Variants in VWA8 observed in about 807,000 individuals in gnomAD.
VWA8 encodes von Willebrand factor A domain-containing protein 8.
Under a neutral mutation model 241.5 loss-of-function variants are expected in VWA8, and 221 were observed. The ratio of observed to expected loss-of-function variants is 0.91; its 90% confidence interval spans 0.82 to 1.02. The LOEUF is 1.02. Among genes scored for constraint, VWA8 ranks in the 50% least tolerant of loss-of-function variants. The pLI, the probability that VWA8 is intolerant of heterozygous loss-of-function variation, is 0.00. For missense variants in VWA8, 2,322 were observed against 2,328.7 expected, an observed-to-expected ratio of 1.00 and a Z score of 0.06; for synonymous variants, 852 against 827.1, an observed-to-expected ratio of 1.03 and a Z score of -0.52.
At chr13:41,955,161 G>A (rs1363077022) in intron 1 of VWA8, among the ~76,000 whole-genome samples, 1 of 152,082 alleles carries the variant, frequency 6.6e-6, no homozygotes, top group African/African-American at 2.4e-5. Context: ...TATAAGTCAA[G>A]CCATCTATAA....
At chr13:41,729,812 C>A in intron 22 of VWA8, 135 bp from the exon 23 acceptor site, 1 of 507,016 alleles carries the variant, frequency 2.0e-6, no homozygotes. Context: ...CACACACACA[C>A]ACACACACAC....
chr13:41,704,115 C>T (rs910026800), intron 26 of VWA8, among the ~76,000 whole-genome samples: 1 of 152,196 alleles, frequency 6.6e-6, no homozygotes, highest in Non-Finnish European at 1.5e-5. Flanking sequence ...ACTAGTCCCA[C>T]ATTTGTATGT....
At chr13:41,871,234 A>C (rs1159842435) in intron 9 of VWA8, among the ~76,000 whole-genome samples, 1 of 152,196 alleles carries the variant, frequency 6.6e-6, no homozygotes, top group Non-Finnish European at 1.5e-5. Context: ...TTGTTAACTT[A>C]CCACTTTCTG....
rs373988087 is a variant in VWA8 at position 41,926,790 on chromosome 13, TG to T, written c.242-14623del. The T allele has an allele frequency of 6.2e-4, 343 of 550,318 alleles. 3 individuals are homozygous for T. Among genetic ancestry groups the T allele is most frequent in the African/African-American group, 5.8e-3 (303 of 52,586 alleles). The allele number at this position is 550,318 out of a possible 1,614,324, so 34.1% of individuals were successfully genotyped here. The stretch of plus-strand genomic sequence containing the variant: ...ATGGTAGAAGAACTTGAGAAAGCCC[TG>T]GGGGGTAAAGCTGCCAGAAACTAAC... On this transcript the variant is annotated intron_variant, in intron 2 of 44. Coordinates refer to ENST00000379310, the MANE Select transcript of VWA8 (RefSeq NM_015058.2).
At chr13:41,771,885 A>AAT (rs2045825989) in intron 20 of VWA8, among the ~76,000 whole-genome samples, 1 of 81,894 alleles carries the variant, frequency 1.2e-5, no homozygotes, top group Non-Finnish European at 2.9e-5. Context: ...CCCAGCAGGG[A>AAT]CTTTTTTTTT....
chr13:41,689,265 TTTAA>T, intron 34 of VWA8, 85 bp downstream of exon 34: 1 of 1,358,394 alleles, frequency 7.4e-7, no homozygotes, highest in Non-Finnish European at 9.7e-7. Flanking sequence ...AAATTATGTT[TTTAA>T]TTACCCCTCA....
chr13:41,641,493 G>A (rs2044794686), intron 37 of VWA8, among the ~76,000 whole-genome samples: 1 of 152,006 alleles, frequency 6.6e-6, no homozygotes. Context: ...TGGGTAACTT[G>A]CCTAGGGTCA....
chr13:41,917,539 T>G (rs1876316677), intron 2 of VWA8, among the ~76,000 whole-genome samples: 1 of 152,172 alleles, frequency 6.6e-6, no homozygotes, highest in Admixed American at 6.5e-5. Flanking sequence ...TTTGTGAGGA[T>G]TATAGGTAAA....
intron 37 of VWA8, among the ~76,000 whole-genome samples, chr13:41,625,908 AATG>A (rs1198779808): frequency 2.6e-5 from 4 of 151,946 alleles, no homozygotes; most frequent in Non-Finnish European, 5.9e-5. Flanking sequence ...AGCCATAAAA[AATG>A]ATGATTTCAT....
At chr13:41,815,589 G>A (rs1870655344) in intron 16 of VWA8, among the ~76,000 whole-genome samples, 1 of 152,198 alleles carries the variant, frequency 6.6e-6, no homozygotes, top group Non-Finnish European at 1.5e-5. Context: ...AAACCCAGAA[G>A]GGGCAAGGAA....
intron 37 of VWA8, among the ~76,000 whole-genome samples, chr13:41,619,960 G>C (rs186765875): frequency 3.9e-5 from 6 of 152,194 alleles, no homozygotes; most frequent in Admixed American, 2.6e-4. Flanking sequence ...GCCAGGCTTT[G>C]GTATCAGGAT....
intron 39 of VWA8, among the ~76,000 whole-genome samples, chr13:41,606,732 C>T (rs2044555987): frequency 6.6e-6 from 1 of 152,160 alleles, no homozygotes; most frequent in Admixed American, 6.5e-5. Context: ...GGGGAGAGCG[C>T]CAGAGGCTTA....
chr13:41,689,052 G>A (rs2045157099), intron 34 of VWA8, among the ~76,000 whole-genome samples: 1 of 151,978 alleles, frequency 6.6e-6, no homozygotes, highest in African/African-American at 2.4e-5. Context: ...AGACATGACA[G>A]AAAATTACCA....
rs1387525509 is a variant in VWA8 at position 41,825,132 on chromosome 13, TTTA to T, written c.1700+5394_1700+5396del. On this transcript the variant is annotated intron_variant, in intron 14 of 44. Transcript: ENST00000379310. ...ACACTAAAAAACTGCATTGTGTTTA[TTTA>T]TTTACATATCTGTCTTCATGTGTGG... Among the ~76,000 whole-genome samples, 11 of 152,360 alleles carry T rather than the reference TTTA, an allele frequency of 7.2e-5. No individual in the cohort carries two copies. In the East Asian group the frequency reaches 1.9e-3, roughly 27 times the overall value.
chr13:41,806,289 T>C (rs1445515889), intron 17 of VWA8, among the ~76,000 whole-genome samples: 2 of 151,970 alleles, frequency 1.3e-5, no homozygotes, highest in Admixed American at 6.6e-5. Flanking sequence ...TAGAAAAACT[T>C]CAAATAACCT....
chr13:41,599,924 G>GC lies in VWA8; in HGVS notation c.4986+5243dup, dbSNP rs373484601. Among the ~76,000 whole-genome samples the GC allele has an allele frequency of 1.9e-3, 289 of 152,198 alleles. 1 individual carries two copies. The highest frequency in any genetic ancestry group is 6.8e-3 in the African/African-American group (281 of 41,546). On this transcript the variant is annotated intron_variant, in intron 40 of 44. Transcript: ENST00000379310. ...AAACCTAGACCTCCCCCACAACCAT[G>GC]CCTCCCTAGCGCTGCTGCTTTCAAA...
At chr13:41,780,681 A>G (rs1022383249) in intron 19 of VWA8, among the ~76,000 whole-genome samples, 10 of 152,164 alleles carry the variant, frequency 6.6e-5, no homozygotes, top group African/African-American at 2.4e-4. Context: ...GTGTTCTTAC[A>G]GTACTGACAC....
At chr13:41,896,180 T>C (rs1168569943) in intron 4 of VWA8, among the ~76,000 whole-genome samples, 1 of 152,078 alleles carries the variant, frequency 6.6e-6, no homozygotes, top group Non-Finnish European at 1.5e-5. Flanking sequence ...TTGATATAAC[T>C]CTCTCGCACT....
chr13:41,717,021 C>T (rs1593716109), intron 26 of VWA8, among the ~76,000 whole-genome samples: 2 of 151,856 alleles, frequency 1.3e-5, no homozygotes, highest in South Asian at 2.1e-4. Flanking sequence ...GTTAGTATCA[C>T]ATATTTTTAT....
Sources: allele counts gnomAD v4.1 joint callset (sites outside exome capture counted in the v4.1 genomes callset), GRCh38; gene constraint gnomAD v4.1.1; transcripts MANE v1.5; gene names NCBI Gene and HGNC (gene_info 2026-07-23, HGNC 2026-07-21).